Variants in ABCB5 observed in about 807,000 individuals in gnomAD.
The protein encoded by ABCB5 is ATP-binding cassette sub-family B member 5.
Under a neutral mutation model 144.2 loss-of-function variants are expected in ABCB5, and 155 were observed. The observed-to-expected ratio is 1.08, with a 90% CI of 0.94 to 1.23. The LOEUF is 1.23. ABCB5 is among the 50% of genes most tolerant of loss of function. The probability of loss-of-function intolerance (pLI) is 0.00; values close to 1 mark genes in which losing one functional copy is unlikely to be tolerated. For missense variants in ABCB5, 1,830 were observed against 1,520.8 expected, an observed-to-expected ratio of 1.20 and a Z score of -3.38; for synonymous variants, 610 against 528.6, an observed-to-expected ratio of 1.15 and a Z score of -2.11.
At chr7:20,741,928 T>C (rs1344529595) in intron 24 of ABCB5, among the ~76,000 whole-genome samples, 1 of 152,240 alleles carries the variant, frequency 6.6e-6, no homozygotes, top group African/African-American at 2.4e-5. Flanking sequence ...AAAGGGAAAG[T>C]TAATCATTTA....
At chr7:20,665,412 T>G (rs746417756) in intron 14 of ABCB5, among the ~76,000 whole-genome samples, 1 of 152,184 alleles carries the variant, frequency 6.6e-6, no homozygotes, top group South Asian at 2.1e-4. Flanking sequence ...ATTAAGCCAA[T>G]TGGCTTTCAA....
chr7:20,657,309 T>C (rs1784840627), intron 13 of ABCB5, among the ~76,000 whole-genome samples: 1 of 145,292 alleles, frequency 6.9e-6, no homozygotes, highest in South Asian at 2.2e-4. Flanking sequence ...GCATAAAACA[T>C]ACTTATACTA....
At chr7:20,692,312 C>G (rs1337978380) in intron 16 of ABCB5, among the ~76,000 whole-genome samples, 1 of 151,660 alleles carries the variant, frequency 6.6e-6, no homozygotes, top group Admixed American at 6.6e-5. Flanking sequence ...ACAATGCAAA[C>G]AAGAAGATAA....
At position 20,651,689 on chromosome 7, in the gene ABCB5, G is replaced by A. The variant is rs1035119417; in HGVS notation, c.1536+66G>A. 4.7e-6 allele frequency: 7 copies of A among 1,504,450 alleles called. No individual in the cohort carries two copies. The African/African-American group carries it at 9.6e-5, about 21-fold the overall frequency. 93.2% of individuals were successfully genotyped at this position (1,504,450 alleles called of 1,614,324 possible). On this transcript the variant is annotated intron_variant, in intron 13 of 27. Coordinates refer to ENST00000404938, the MANE Select transcript of ABCB5 (RefSeq NM_001163941.2). ...CAGCGCTGCGACATTCCAATATAAG[G>A]TAATGAAACAACAACTGATGCAGAA...
chr7:20,685,415 G>C (rs1037984869), intron 15 of ABCB5, among the ~76,000 whole-genome samples: 7 of 152,162 alleles, frequency 4.6e-5, no homozygotes, highest in African/African-American at 1.7e-4. Context: ...ATCTCTCCTT[G>C]TTAGTGATAT....
chr7:20,724,382 C>A (rs1024545094), intron 21 of ABCB5, among the ~76,000 whole-genome samples: 4 of 151,966 alleles, frequency 2.6e-5, no homozygotes, highest in African/African-American at 9.7e-5. Context: ...AATCCCAGAA[C>A]TTTGGGAGGC....
Position 20,711,881 on chromosome 7 carries a change from C to T in ABCB5, c.2421+7074C>T, listed in dbSNP as rs1248226259. 9.5e-4 allele frequency among the ~76,000 whole-genome samples: 111 copies of T among 116,854 alleles called. 7 individuals carry two copies. Among genetic ancestry groups the T allele is most frequent in the African/African-American group, 3.5e-3 (106 of 30,346 alleles). The allele number at this position is 116,854 out of a possible 152,430, so 76.7% of individuals were successfully genotyped here. ...TCTTTCCTTCCTCCCTCCCTCCCTC[C>T]CTCCCTCCCTCCTTCCTTCCTTCCT... is the stretch of plus-strand genomic sequence containing the variant. On this transcript the variant is annotated intron_variant, in intron 20 of 27. Coordinates refer to ENST00000404938, the MANE Select transcript of ABCB5 (RefSeq NM_001163941.2).
chr7:20,708,402 G>A (rs1183913824), intron 20 of ABCB5, among the ~76,000 whole-genome samples: 1 of 152,156 alleles, frequency 6.6e-6, no homozygotes. Flanking sequence ...AATTCAGGAG[G>A]CCAAGGCAGG....
At chr7:20,667,847 G>A (rs1245255016) in intron 14 of ABCB5, among the ~76,000 whole-genome samples, 4 of 150,052 alleles carry the variant, frequency 2.7e-5, no homozygotes, top group South Asian at 4.4e-4. Context: ...TCAGCCTGCC[G>A]AGTGCCTGCG....
At chr7:20,644,408 T>C (rs1263256099) in intron 7 of ABCB5, among the ~76,000 whole-genome samples, 1 of 152,190 alleles carries the variant, frequency 6.6e-6, no homozygotes, top group Admixed American at 6.5e-5. Flanking sequence ...AGGCTTTCAA[T>C]TACATTTCAG....
chr7:20,666,407 G>A (rs1365694508), intron 14 of ABCB5, among the ~76,000 whole-genome samples: 1 of 152,148 alleles, frequency 6.6e-6, no homozygotes, highest in African/African-American at 2.4e-5. Flanking sequence ...TTGAGGCTTT[G>A]TATTATTTTC....
chr7:20,663,549 T>C (rs66744319), intron 14 of ABCB5, among the ~76,000 whole-genome samples: 38,423 of 151,884 alleles, frequency 0.25, 8,439 homozygotes, highest in African/African-American at 0.59. Flanking sequence ...AATTCAGAGA[T>C]GGAAAGTAGA....
intron 16 of ABCB5, among the ~76,000 whole-genome samples, chr7:20,693,477 C>T (rs1390393667): frequency 6.6e-6 from 1 of 152,004 alleles, no homozygotes; most frequent in Non-Finnish European, 1.5e-5. Context: ...TATTTATAAA[C>T]TACATAACTC....
rs1786925930 is a variant in ABCB5 at position 20,709,179 on chromosome 7, C to T, written c.2421+4372C>T. 2.3e-5 allele frequency among the ~76,000 whole-genome samples: 3 copies of T among 130,224 alleles called. 1 individual carries two copies. Among genetic ancestry groups the T allele is most frequent in the African/African-American group, 8.6e-5 (3 of 34,796 alleles). The allele number at this position is 130,224 out of a possible 152,430, so 85.4% of individuals were successfully genotyped here. ...TAAGTTACGCAGTCTGAACACATTTCTTCCACTGCTACAATCAAACATGAT... is the reference window on the plus strand; with the variant it reads ...TAAGTTACGCAGTCTGAACACATTTTTTCCACTGCTACAATCAAACATGAT... On this transcript the variant is annotated intron_variant, in intron 20 of 27. Transcript: ENST00000404938.
At chr7:20,670,614 A>T (rs958314916) in intron 14 of ABCB5, among the ~76,000 whole-genome samples, 4 of 152,212 alleles carry the variant, frequency 2.6e-5, no homozygotes. Flanking sequence ...ACTGAGAAAA[A>T]CAAGAAGCAA....
chr7:20,687,369 C>T (rs1786037367), intron 16 of ABCB5, among the ~76,000 whole-genome samples: 1 of 152,210 alleles, frequency 6.6e-6, no homozygotes. Context: ...GATACAACTA[C>T]GTGCTCCACA....
intron 14 of ABCB5, among the ~76,000 whole-genome samples, chr7:20,673,877 G>C (rs1299282703): frequency 1.3e-5 from 2 of 152,018 alleles, no homozygotes; most frequent in Admixed American, 6.5e-5. Context: ...TGGATTAAGT[G>C]AGTACTTTTT....
intron 14 of ABCB5, among the ~76,000 whole-genome samples, chr7:20,662,841 T>C (rs1046960946): frequency 8.5e-5 from 13 of 152,172 alleles, no homozygotes; most frequent in Non-Finnish European, 1.9e-4. Flanking sequence ...TAAACCACCA[T>C]AACTCTTTAG....
intron 16 of ABCB5, among the ~76,000 whole-genome samples, chr7:20,694,084 T>C (rs1258868354): frequency 2.7e-5 from 4 of 149,854 alleles, no homozygotes; most frequent in African/African-American, 9.8e-5. Context: ...ATGACTTCTA[T>C]TAAAAAAAAA....
Sources: allele counts gnomAD v4.1 joint callset (sites outside exome capture counted in the v4.1 genomes callset), GRCh38; gene constraint gnomAD v4.1.1; transcripts MANE v1.5; gene names NCBI Gene and HGNC (gene_info 2026-07-23, HGNC 2026-07-21).